FHIT: variants seen among roughly 807,000 people sequenced by gnomAD.
The protein encoded by FHIT is fragile histidine triad diadenosine triphosphatase, also known as bis(5'-adenosyl)-triphosphatase.
A neutral mutation model predicts 17.9 loss-of-function variants in FHIT; 19 were observed. The observed-to-expected ratio is 1.06, with a 90% CI of 0.74 to 1.56. The LOEUF (loss-of-function observed/expected upper bound fraction) is 1.56, where lower values mean the gene tolerates loss of function less well. Ranked by LOEUF, FHIT falls within the 40% of genes most tolerant of loss-of-function variation. FHIT has a pLI of 0.00. For missense variants in FHIT, 248 were observed against 189.2 expected (o/e 1.31, Z -1.82); for synonymous variants, 81 against 69.7 (o/e 1.16, Z -0.81).
intron 5 of FHIT, among the ~76,000 whole-genome samples, chr3:60,517,357 T>C (rs1402949457): frequency 6.6e-6 from 1 of 152,206 alleles, no homozygotes; most frequent in Non-Finnish European, 1.5e-5. Flanking sequence ...CTACTATACC[T>C]TTCACATATT....
chr3:60,733,257 G>T (rs980214494), intron 4 of FHIT, among the ~76,000 whole-genome samples: 1 of 152,126 alleles, frequency 6.6e-6, no homozygotes, highest in Non-Finnish European at 1.5e-5. Context: ...TAGGAATTCA[G>T]GCAGAATGTT....
chr3:60,680,203 C>G (rs1208130829), intron 4 of FHIT, among the ~76,000 whole-genome samples: 1 of 152,098 alleles, frequency 6.6e-6, no homozygotes, highest in Non-Finnish European at 1.5e-5. Context: ...CTCTCCAACA[C>G]CTAGAATTGT....
At chr3:60,333,996 T>C (rs946395322) in intron 5 of FHIT, among the ~76,000 whole-genome samples, 2 of 152,030 alleles carry the variant, frequency 1.3e-5, no homozygotes, top group Non-Finnish European at 2.9e-5. Context: ...CATAAACCCC[T>C]CATTTTAGTC....
chr3:60,153,650 G>A (rs1316061722), intron 5 of FHIT, among the ~76,000 whole-genome samples: 2 of 152,144 alleles, frequency 1.3e-5, no homozygotes, highest in Admixed American at 1.3e-4. Flanking sequence ...ACGTCCAAAA[G>A]TAGCCTAAGG....
intron 5 of FHIT, among the ~76,000 whole-genome samples, chr3:60,117,824 C>A (rs1705046283): frequency 6.6e-6 from 1 of 152,072 alleles, no homozygotes; most frequent in Non-Finnish European, 1.5e-5. Flanking sequence ...CCCCTGCTTC[C>A]TCTGTACAAC....
chr3:60,525,102 G>T (rs2035523024), intron 5 of FHIT, among the ~76,000 whole-genome samples: 1 of 152,170 alleles, frequency 6.6e-6, no homozygotes, highest in Non-Finnish European at 1.5e-5. Flanking sequence ...CCACTGTGGG[G>T]ATAATGAGAG....
At chr3:60,284,732 T>C (rs1240427099) in intron 5 of FHIT, among the ~76,000 whole-genome samples, 1 of 152,214 alleles carries the variant, frequency 6.6e-6, no homozygotes, top group East Asian at 1.9e-4. Context: ...GTAGCAAATA[T>C]TATGACTCAA....
rs556304967 is a variant in FHIT, at chr3:61,034,484, A to T, written c.-111+7563T>A. ...GGTAATGGGTAGAGGACTTTAACAGACATTTCTCCAGAAAAAACATGCAAA... is the reference window on the plus strand; with the variant it reads ...GGTAATGGGTAGAGGACTTTAACAGTCATTTCTCCAGAAAAAACATGCAAA... On this transcript the variant is annotated intron_variant, in intron 3 of 9. Coordinates refer to ENST00000492590, the MANE Select transcript of FHIT (RefSeq NM_002012.4). Among the ~76,000 whole-genome samples, 4 of 152,332 alleles carry T rather than the reference A, an allele frequency of 2.6e-5. No homozygotes were observed. In the East Asian group the frequency reaches 7.7e-4, roughly 29 times the overall value.
At chr3:59,897,280 T>C (rs1704112910) in intron 8 of FHIT, among the ~76,000 whole-genome samples, 1 of 152,234 alleles carries the variant, frequency 6.6e-6, no homozygotes, top group Non-Finnish European at 1.5e-5. Flanking sequence ...AGCCACAGGC[T>C]GCCAAATTGC....
chr3:61,030,250 G>A (rs767475195), intron 3 of FHIT, among the ~76,000 whole-genome samples: 3 of 152,152 alleles, frequency 2.0e-5, no homozygotes, highest in South Asian at 2.1e-4. Context: ...GATTACAGGC[G>A]TGAGCCACCA....
chr3:59,896,339 T>C (rs370522384), intron 8 of FHIT, among the ~76,000 whole-genome samples: 2 of 152,170 alleles, frequency 1.3e-5, no homozygotes, highest in South Asian at 4.1e-4. Flanking sequence ...AAAAAAGAAC[T>C]CATCTAAAAG....
intron 5 of FHIT, among the ~76,000 whole-genome samples, chr3:60,236,192 G>C (rs1045119730): frequency 4.6e-5 from 7 of 151,032 alleles, no homozygotes; most frequent in Non-Finnish European, 1.0e-4. Flanking sequence ...GTTCTAAGTG[G>C]TTTGACCTTG....
At chr3:60,565,719 A>G (rs1351117540) in intron 4 of FHIT, among the ~76,000 whole-genome samples, 1 of 152,166 alleles carries the variant, frequency 6.6e-6, no homozygotes, top group Non-Finnish European at 1.5e-5. Context: ...CAGCTCCTGG[A>G]TTCACTGATT....
chr3:60,821,202 C>T (rs1160996440), intron 4 of FHIT, among the ~76,000 whole-genome samples: 3 of 152,128 alleles, frequency 2.0e-5, no homozygotes, highest in Non-Finnish European at 4.4e-5. Context: ...TCTCAAACTC[C>T]TGACCTCAAG....
intron 4 of FHIT, among the ~76,000 whole-genome samples, chr3:60,741,392 T>C (rs779351101): frequency 2.1e-3 from 318 of 152,348 alleles, no homozygotes; most frequent in Non-Finnish European, 3.7e-3. Flanking sequence ...GCACGTTGCC[T>C]GATCATCTTC....
At chr3:60,973,668 G>A (rs1307617633) in intron 3 of FHIT, among the ~76,000 whole-genome samples, 1 of 152,062 alleles carries the variant, frequency 6.6e-6, no homozygotes, top group East Asian at 1.9e-4. Context: ...TTAAAAGCTG[G>A]TCACATTCTC....
In FHIT at chr3:61,165,101, A is replaced by G. The variant is rs555865899; in HGVS notation, c.-164+35516T>C. On this transcript the variant is annotated intron_variant, in intron 2 of 9. Coordinates refer to ENST00000492590, the MANE Select transcript of FHIT (RefSeq NM_002012.4). ...ATTGTGAATAGTGCTGCATGAACAT[A>G]TACATGCATGTGTCTTTTTGATAAA... 2.0e-5 allele frequency among the ~76,000 whole-genome samples: 3 copies of G among 152,330 alleles called. No homozygotes were observed. In the East Asian group the frequency reaches 5.8e-4, roughly 29 times the overall value.
chr3:59,821,216 A>C (rs1700775195), intron 8 of FHIT, among the ~76,000 whole-genome samples: 1 of 152,192 alleles, frequency 6.6e-6, no homozygotes, highest in Non-Finnish European at 1.5e-5. Context: ...AAACCCCAAC[A>C]GTTAAAGGAC....
chr3:59,952,411 A>T (rs868310367), intron 7 of FHIT, among the ~76,000 whole-genome samples: 2 of 148,266 alleles, frequency 1.3e-5, no homozygotes, highest in South Asian at 4.3e-4. Context: ...CCAGTCAGCC[A>T]TCTGACTCTG....
Sources: allele counts gnomAD v4.1 joint callset (sites outside exome capture counted in the v4.1 genomes callset), GRCh38; gene constraint gnomAD v4.1.1; transcripts MANE v1.5; gene names NCBI Gene and HGNC (gene_info 2026-07-23, HGNC 2026-07-21).